Variants in COL4A4 observed in about 807,000 individuals in gnomAD.
The protein encoded by COL4A4 is collagen type IV alpha 4 chain.
COL4A4 carries 105 observed loss-of-function variants against 192.9 expected under a neutral mutation model. The observed-to-expected ratio is 0.54, with a 90% CI of 0.46 to 0.64. COL4A4 has a LOEUF of 0.64. COL4A4 is among the 30% of genes least tolerant of loss of function. The pLI, the probability that COL4A4 is intolerant of heterozygous loss-of-function variation, is 0.00. For synonymous variants in COL4A4, 762 were observed against 769.9 expected, an observed-to-expected ratio of 0.99 and a Z score of 0.17; for missense variants, 1,967 against 2,169.3, an observed-to-expected ratio of 0.91 and a Z score of 1.85.
Position 227,143,132 on chromosome 2 carries a change from T to G in COL4A4, c.114+1384A>C, listed in dbSNP as rs571673255. On this transcript the variant is annotated intron_variant, in intron 3 of 47. Coordinates refer to ENST00000396625, the MANE Select transcript of COL4A4 (RefSeq NM_000092.5). ...ATCCAAATGGTGGATTGCTCTATAT[T>G]TTGCTGTTTTCACATAATTGAAAGT... 8.2e-4 allele frequency among the ~76,000 whole-genome samples: 125 copies of G among 152,286 alleles called. 1 individual carries two copies. The highest frequency in any genetic ancestry group is 2.9e-3 in the African/African-American group (119 of 41,556).
At chr2:227,053,430 A>T (rs4350744) in intron 31 of COL4A4, among the ~76,000 whole-genome samples, 78,651 of 151,924 alleles carry the variant, frequency 0.52, 20,542 homozygotes, top group South Asian at 0.63. Context: ...CACCCATTAG[A>T]GCCACAGGAC....
At chr2:227,042,030 AC>A (rs1384472237) in intron 37 of COL4A4, 117 bp downstream of exon 37, 2 of 772,896 alleles carry the variant, frequency 2.6e-6, no homozygotes, top group Non-Finnish European at 4.7e-6. Flanking sequence ...AATGGCACCT[AC>A]GGAAAAGAGT....
rs147735410 is a variant in COL4A4, at chr2:227,006,039, G to C, written c.*1286C>G. 57 of 152,696 alleles carry C rather than the reference G, an allele frequency of 3.7e-4. No homozygotes were observed. Among genetic ancestry groups the C allele is most frequent in the African/African-American group, 1.3e-3 (52 of 41,580 alleles). 9.5% of individuals were successfully genotyped at this position (152,696 alleles called of 1,614,324 possible). ...TGTTGCCTTGGTACAAGACTGATAT[G>C]AAATATAAGAATGTCTTTAAAATTG... On this transcript the variant is annotated 3_prime_UTR_variant, in exon 48 of 48. Transcript: ENST00000396625.
intron 12 of COL4A4, among the ~76,000 whole-genome samples, chr2:227,107,930 G>T (rs913399502): frequency 6.6e-6 from 1 of 151,820 alleles, no homozygotes; most frequent in Non-Finnish European, 1.5e-5. Context: ...GCTAATTTTT[G>T]TATTTTTAGT....
rs758324376 is a variant in COL4A4, at chr2:227,099,637, G to C, written c.1082C>G (p.Pro361Arg). ...ACACAAACCTTTGAGTGGAAGAGGT[G>C]GAGTCACCAAAACACCTGGTGGTCC... The part of the protein sequence containing the change: ...HPGPPGVLVT[P>R]PLPLKGPPGD... The change falls in exon 18 of 48, where the codon CCA (proline) becomes CGA (arginine). Residue 361 changes from proline to arginine, a missense_variant. Coordinates refer to ENST00000396625, the MANE Select transcript of COL4A4 (RefSeq NM_000092.5). 6.2e-7 allele frequency: 1 copy of C among 1,614,020 alleles called. No individual in the cohort carries two copies. Among genetic ancestry groups the C allele is most frequent in the South Asian group, 1.1e-5 (1 of 91,068 alleles).
At chr2:227,102,984 CT>C in intron 14 of COL4A4, 136 bp from the exon 15 acceptor site, 1 of 1,132,552 alleles carries the variant, frequency 8.8e-7, no homozygotes, top group Non-Finnish European at 1.3e-6. Flanking sequence ...AAAACAACTA[CT>C]TTAGAATAGA....
intron 4 of COL4A4, among the ~76,000 whole-genome samples, chr2:227,136,847 T>C (rs563280785): frequency 6.6e-5 from 10 of 152,308 alleles, no homozygotes; most frequent in African/African-American, 2.4e-4. Flanking sequence ...CTGTGCAGCC[T>C]CAGGCAGATC....
chr2:227,060,101 G>GAAAAAAAAAAAAAAAAAAAAAAACAA, intron 27 of COL4A4, 35 bp downstream of exon 27: 1 of 503,760 alleles, frequency 2.0e-6, no homozygotes, highest in Non-Finnish European at 3.1e-6. Flanking sequence ...TCCCAAAGCA[G>GAAAAAAAAAAAAAAAAAAAAAAACAA]AAAAAAAAAA....
the COL4A4 span, among the ~76,000 whole-genome samples, chr2:226,979,153 G>A: frequency 6.6e-6 from 1 of 152,100 alleles, no homozygotes; most frequent in South Asian, 2.1e-4. Flanking sequence ...GTCAGTCTGA[G>A]GCCCAAGGCC....
chr2:227,012,094 T>G (rs1372503322), intron 45 of COL4A4, 87 bp downstream of exon 45: 1 of 1,082,826 alleles, frequency 9.2e-7, no homozygotes, highest in East Asian at 2.4e-5. Context: ...AGGATCCAGT[T>G]TGGAAAGCCA....
At chr2:227,134,037 G>T (rs995599057) in intron 4 of COL4A4, among the ~76,000 whole-genome samples, 2 of 152,158 alleles carry the variant, frequency 1.3e-5, no homozygotes, top group Non-Finnish European at 2.9e-5. Context: ...TGACACAGGG[G>T]GGACACTTTA....
At chr2:227,081,146 G>A (rs1438645913) in intron 23 of COL4A4, among the ~76,000 whole-genome samples, 1 of 152,204 alleles carries the variant, frequency 6.6e-6, no homozygotes, top group Non-Finnish European at 1.5e-5. Flanking sequence ...TGGAATGAAG[G>A]ATGCCTACAT....
intron 16 of COL4A4, 114 bp downstream of exon 16, chr2:227,101,751 T>C: frequency 9.4e-7 from 1 of 1,068,050 alleles, no homozygotes. Flanking sequence ...ATAAAATGAA[T>C]GTGTCTGCCT....
intron 4 of COL4A4, among the ~76,000 whole-genome samples, chr2:227,127,538 G>A (rs1163987858): frequency 6.6e-6 from 1 of 152,174 alleles, no homozygotes; most frequent in African/African-American, 2.4e-5. Flanking sequence ...CTCTTGAACA[G>A]GGCTAAGATA....
At chr2:227,041,363 A>G (rs1970779452) in intron 37 of COL4A4, among the ~76,000 whole-genome samples, 1 of 151,976 alleles carries the variant, frequency 6.6e-6, no homozygotes, top group African/African-American at 2.4e-5. Flanking sequence ...CAGAAATAAG[A>G]TGGTAGCAAC....
At chr2:227,067,324 CA>C (rs2058408518) in intron 25 of COL4A4, among the ~76,000 whole-genome samples, 1 of 152,230 alleles carries the variant, frequency 6.6e-6, no homozygotes, top group South Asian at 2.1e-4. Flanking sequence ...AGAAAGTCAA[CA>C]AGGATACACA....
At chr2:227,076,161 A>G (rs1187133899) in intron 25 of COL4A4, among the ~76,000 whole-genome samples, 2 of 152,196 alleles carry the variant, frequency 1.3e-5, no homozygotes, top group Admixed American at 1.3e-4. Context: ...CATGGAACCA[A>G]AAAAGAGCCC....
At chr2:227,018,697 G>A (rs1055804748) in intron 44 of COL4A4, among the ~76,000 whole-genome samples, 4 of 152,164 alleles carry the variant, frequency 2.6e-5, no homozygotes, top group African/African-American at 9.7e-5. Flanking sequence ...TCATGTAGGT[G>A]TTAGAGAGGT....
chr2:227,131,147 T>TC (rs962919448), intron 4 of COL4A4, among the ~76,000 whole-genome samples: 1 of 134,354 alleles, frequency 7.4e-6, no homozygotes, highest in African/African-American at 2.6e-5. Context: ...CTGCTTTTTT[T>TC]TTTTTTTCTT....
Sources: allele counts gnomAD v4.1 joint callset (sites outside exome capture counted in the v4.1 genomes callset), GRCh38; gene constraint gnomAD v4.1.1; transcripts MANE v1.5; gene names NCBI Gene and HGNC (gene_info 2026-07-23, HGNC 2026-07-21).